The following ITFG1 variants were observed in gnomAD, a reference collection of about 807,000 sequenced individuals.
ITFG1 encodes integrin alpha FG-GAP repeat containing 1, also known as T-cell immunomodulatory protein.
A neutral mutation model predicts 81.8 loss-of-function variants in ITFG1; 34 were observed. The ratio of observed to expected loss-of-function variants is 0.42; its 90% CI spans 0.32 to 0.55. ITFG1 has a LOEUF of 0.55. Ranked by LOEUF, ITFG1 falls within the 20% of genes least tolerant of loss-of-function variation. The pLI is 0.17. For synonymous variants in ITFG1, 285 were observed against 270.6 expected (o/e 1.05, Z -0.52); for missense variants, 672 against 755.4 (o/e 0.89, Z 1.29).
intron 10 of ITFG1, among the ~76,000 whole-genome samples, chr16:47,290,574 T>C (rs1966893751): frequency 6.6e-6 from 1 of 152,202 alleles, no homozygotes. Context: ...TTACTTTGTC[T>C]GTTTTTAGAG....
In ITFG1 at chr16:47,281,996, A is replaced by C. The variant is rs369056368; in HGVS notation, c.1071-21301T>G. On this transcript the variant is annotated intron_variant, in intron 10 of 17. Transcript: ENST00000320640. Reference sequence around the variant, plus strand: ...CATTAAATAATTTCTCATCCCTCACATCCCCTCAGCTTCATGGGTACAATA... The same window carrying C: ...CATTAAATAATTTCTCATCCCTCACCTCCCCTCAGCTTCATGGGTACAATA... Among the ~76,000 whole-genome samples, 11 of 152,028 alleles carry C rather than the reference A, an allele frequency of 7.2e-5. No homozygotes were observed. The South Asian group carries it at 2.1e-3, about 29-fold the overall frequency.
At chr16:47,328,307 A>C (rs878889119) in intron 8 of ITFG1, among the ~76,000 whole-genome samples, 1 of 151,950 alleles carries the variant, frequency 6.6e-6, no homozygotes, top group African/African-American at 2.4e-5. Flanking sequence ...AACATCACAC[A>C]CCGGGGACAG....
In ITFG1 at chr16:47,296,633, G is replaced by A. The variant is rs142267786; in HGVS notation, c.1070+14607C>T. Among the ~76,000 whole-genome samples the A allele has an allele frequency of 1.6e-4, 24 of 152,102 alleles. 1 individual carries two copies. Among genetic ancestry groups the A allele is most frequent in the African/African-American group, 5.8e-4 (24 of 41,514 alleles). On this transcript the variant is annotated intron_variant, in intron 10 of 17. Coordinates refer to ENST00000320640, the MANE Select transcript of ITFG1 (RefSeq NM_030790.5). The stretch of plus-strand genomic sequence containing the variant: ...GTATTTTTAGTAGAGATGGGGTTTC[G>A]CCATGTTGGTCAGGCTGGTCTCAAA...
intron 14 of ITFG1, among the ~76,000 whole-genome samples, chr16:47,189,338 C>A (rs1304478965): frequency 6.6e-6 from 1 of 152,068 alleles, no homozygotes; most frequent in Non-Finnish European, 1.5e-5. Context: ...ACAAAAAAAA[C>A]CCCACACCCA....
rs375503503 is a variant in ITFG1 at position 47,451,361 on chromosome 16, C to T, written c.560+35G>A. 1.5e-4 allele frequency: 169 copies of T among 1,133,114 alleles called. 3 individuals carry two copies. The highest frequency in any genetic ancestry group is 1.0e-3 in the South Asian group (77 of 74,530). 70.2% of individuals were successfully genotyped at this position (1,133,114 alleles called of 1,614,324 possible). On this transcript the variant is annotated intron_variant, in intron 5 of 17. Coordinates refer to ENST00000320640, the MANE Select transcript of ITFG1 (RefSeq NM_030790.5). ...ATGGTTAAAGTAGAAGCAATATATA[C>T]GATTAATTACATAGTTATAACCATA... is the stretch of plus-strand genomic sequence containing the variant.
intron 10 of ITFG1, among the ~76,000 whole-genome samples, chr16:47,266,598 T>C (rs1966279388): frequency 6.6e-6 from 1 of 152,208 alleles, no homozygotes; most frequent in Admixed American, 6.5e-5. Flanking sequence ...TCATACACTG[T>C]TGGGAGACAT....
chr16:47,260,492 G>A, intron 11 of ITFG1, 53 bp downstream of exon 11: 8 of 1,581,934 alleles, frequency 5.1e-6, no homozygotes, highest in African/African-American at 1.3e-5. Flanking sequence ...GCTAAAGTGT[G>A]ACAAGGTGAA....
At chr16:47,300,343 T>C (rs1371227674) in intron 10 of ITFG1, among the ~76,000 whole-genome samples, 3 of 152,254 alleles carry the variant, frequency 2.0e-5, no homozygotes, top group African/African-American at 4.8e-5. Context: ...TGAGGTGTGC[T>C]TGAAATGCTT....
At chr16:47,167,988 T>G (rs1964914504) in intron 14 of ITFG1, among the ~76,000 whole-genome samples, 4 of 152,198 alleles carry the variant, frequency 2.6e-5, no homozygotes. Context: ...TAGGTTTAAT[T>G]TTTTGAGGAA....
At chr16:47,406,756 G>A (rs1968734417) in intron 6 of ITFG1, among the ~76,000 whole-genome samples, 1 of 152,180 alleles carries the variant, frequency 6.6e-6, no homozygotes. Context: ...TAAGGGCAAA[G>A]GAGAGTGTTT....
At chr16:47,324,780 C>A (rs558753328) in intron 8 of ITFG1, among the ~76,000 whole-genome samples, 1 of 152,264 alleles carries the variant, frequency 6.6e-6, no homozygotes, top group Non-Finnish European at 1.5e-5. Context: ...ACAAGAAGAG[C>A]TAACTATCCT....
At chr16:47,340,313 A>G (rs1272850851) in intron 8 of ITFG1, among the ~76,000 whole-genome samples, 1 of 152,170 alleles carries the variant, frequency 6.6e-6, no homozygotes, top group Non-Finnish European at 1.5e-5. Flanking sequence ...TTTATTTGCT[A>G]TATGATTTAA....
chr16:47,398,981 G>A (rs1244270236), intron 6 of ITFG1, among the ~76,000 whole-genome samples: 1 of 152,190 alleles, frequency 6.6e-6, no homozygotes, highest in Non-Finnish European at 1.5e-5. Flanking sequence ...AAGGAGACAA[G>A]AGTACATCCC....
At chr16:47,364,919 T>C (rs1968155301) in intron 8 of ITFG1, among the ~76,000 whole-genome samples, 1 of 152,240 alleles carries the variant, frequency 6.6e-6, no homozygotes, top group Non-Finnish European at 1.5e-5. Flanking sequence ...CTTGAATTCC[T>C]GAGCTCAAAC....
intron 12 of ITFG1, among the ~76,000 whole-genome samples, 195 bp downstream of exon 12, chr16:47,258,437 G>A: frequency 6.6e-6 from 1 of 152,130 alleles, no homozygotes; most frequent in South Asian, 2.1e-4. Context: ...ACAGAATCCT[G>A]GGCCAGAAAG....
At chr16:47,382,535 G>C (rs1968408259) in intron 6 of ITFG1, among the ~76,000 whole-genome samples, 1 of 151,762 alleles carries the variant, frequency 6.6e-6, no homozygotes, top group Non-Finnish European at 1.5e-5. Context: ...AAGTTACAGA[G>C]AGACGCAGAC....
chr16:47,460,122 A>G (rs545574068), intron 1 of ITFG1, among the ~76,000 whole-genome samples: 1 of 152,384 alleles, frequency 6.6e-6, no homozygotes, highest in Non-Finnish European at 1.5e-5. Context: ...CAAAGAAAGT[A>G]GACATTTGGA....
At chr16:47,299,020 G>C (rs1227069257) in intron 10 of ITFG1, among the ~76,000 whole-genome samples, 2 of 152,138 alleles carry the variant, frequency 1.3e-5, no homozygotes, top group East Asian at 3.9e-4. Context: ...AGCCCTGAGA[G>C]GGGTGGTGGG....
At chr16:47,262,295 G>C (rs1966218869) in intron 10 of ITFG1, among the ~76,000 whole-genome samples, 1 of 152,278 alleles carries the variant, frequency 6.6e-6, no homozygotes, top group East Asian at 1.9e-4. Flanking sequence ...TTATAGAACA[G>C]TATTTGTCCA....
Sources: gnomAD v4.1 joint callset for allele counts (sites outside exome capture counted in the v4.1 genomes callset) on GRCh38, gnomAD v4.1.1 for gene constraint, MANE v1.5 for transcripts, NCBI Gene and HGNC (gene_info 2026-07-23, HGNC 2026-07-21) for gene names.